Variants in STON2 observed in about 807,000 individuals in gnomAD.
STON2 encodes stonin-2.
STON2 carries 29 observed loss-of-function variants against 65.7 expected under a neutral mutation model. That is an observed-to-expected ratio of 0.44 (90% CI 0.33 to 0.60). The LOEUF is 0.60. STON2 is among the 20% of genes least tolerant of loss of function. STON2 has a pLI of 0.03. For missense variants in STON2, 1,054 were observed against 1,118.1 expected (o/e 0.94, Z 0.82); for synonymous variants, 404 against 414.2 (o/e 0.98, Z 0.30).
chr14:81,275,794 C>T (rs1894791877), intron 6 of STON2, among the ~76,000 whole-genome samples: 1 of 152,168 alleles, frequency 6.6e-6, no homozygotes, highest in Non-Finnish European at 1.5e-5. Flanking sequence ...GATTATACTG[C>T]CGTCGGCCGT....
At chr14:81,323,695 C>G (rs1283127848) in intron 5 of STON2, 1 of 152,152 alleles carries the variant, frequency 6.6e-6, no homozygotes, top group Admixed American at 6.5e-5. Flanking sequence ...ATCCTTCACA[C>G]TTTTTCTTCC....
chr14:81,293,591 T>A (rs897138596), intron 5 of STON2, among the ~76,000 whole-genome samples: 1 of 152,170 alleles, frequency 6.6e-6, no homozygotes, highest in African/African-American at 2.4e-5. Flanking sequence ...CCACTCCGAC[T>A]CTGAGCTTGG....
At chr14:81,373,865 A>G (rs756424) in intron 3 of STON2, among the ~76,000 whole-genome samples, 2 of 152,102 alleles carry the variant, frequency 1.3e-5, no homozygotes, top group Admixed American at 1.3e-4. Flanking sequence ...ATTAATAACC[A>G]CAAATTTTTT....
At chr14:81,279,927 A>G (rs1895039306) in intron 5 of STON2, among the ~76,000 whole-genome samples, 1 of 152,238 alleles carries the variant, frequency 6.6e-6, no homozygotes, top group South Asian at 2.1e-4. Context: ...CCAAGTTTGA[A>G]GAACAGAGAT....
At chr14:81,432,292 GTGA>G (rs1438268032) in intron 1 of STON2, among the ~76,000 whole-genome samples, 4 of 152,182 alleles carry the variant, frequency 2.6e-5, no homozygotes, top group African/African-American at 9.7e-5. Flanking sequence ...TGTTACAGGA[GTGA>G]TGAGTCACAG....
Position 81,262,469 on chromosome 14 carries a change from TTTTAAC to T in STON2, c.*5939_*5944del, listed in dbSNP as rs780600379. ...CTTTATTTTTCCTGGAGCTTCTTACTTTTAACTTTAAGAGATGGCTTCTAGTTCAAG... is the reference window on the plus strand; with the variant it reads ...CTTTATTTTTCCTGGAGCTTCTTACTTTTAAGAGATGGCTTCTAGTTCAAG... On this transcript the variant is annotated 3_prime_UTR_variant, in exon 8 of 8. Coordinates refer to ENST00000614646, the MANE Select transcript of STON2 (RefSeq NM_001394390.1). The T allele has an allele frequency of 9.5e-4, 936 of 985,348 alleles. 1 individual carries two copies. The highest frequency in any genetic ancestry group is 1.1e-3 in the Non-Finnish European group (879 of 829,816). The allele number at this position is 985,348 out of a possible 1,614,324, so 61.0% of individuals were successfully genotyped here. A position where few individuals can be genotyped will look rare whatever the true frequency, so the allele number is the denominator to read the frequency against.
intron 3 of STON2, among the ~76,000 whole-genome samples, chr14:81,379,577 C>A (rs1021440426): frequency 1.3e-5 from 2 of 152,254 alleles, no homozygotes. Flanking sequence ...CTAGAGACAT[C>A]ACACTACCCT....
chr14:81,317,180 A>G (rs929306249), intron 5 of STON2, among the ~76,000 whole-genome samples: 1 of 152,200 alleles, frequency 6.6e-6, no homozygotes, highest in African/African-American at 2.4e-5. Flanking sequence ...CAAGAGAAAG[A>G]GCAAGAGAGA....
intron 4 of STON2, among the ~76,000 whole-genome samples, chr14:81,353,928 A>C (rs964043810): frequency 6.6e-6 from 1 of 152,202 alleles, no homozygotes; most frequent in Admixed American, 6.5e-5. Flanking sequence ...CATACCTAGG[A>C]GTTTCAACAG....
Position 81,261,932 on chromosome 14 carries a change from C to G in STON2, c.*6482G>C. 1 of 1,376,408 alleles carries G rather than the reference C, an allele frequency of 7.3e-7. No homozygotes were observed. The allele number at this position is 1,376,408 out of a possible 1,614,324, so 85.3% of individuals were successfully genotyped here. ...TTGGAAGGTTGTCTGTTTCTGTTGT[C>G]TGGGGAAATGATAAAAAAAAAAAAA... On this transcript the variant is annotated 3_prime_UTR_variant, in exon 8 of 8. Transcript: ENST00000614646.
At chr14:81,430,033 A>G (rs943506896) in intron 1 of STON2, among the ~76,000 whole-genome samples, 2 of 152,196 alleles carry the variant, frequency 1.3e-5, no homozygotes, top group African/African-American at 4.8e-5. Flanking sequence ...ATGGACCTGA[A>G]AAGACTTGTG....
intron 3 of STON2, among the ~76,000 whole-genome samples, chr14:81,392,415 A>G (rs1315120431): frequency 6.6e-6 from 1 of 152,036 alleles, no homozygotes; most frequent in East Asian, 1.9e-4. Flanking sequence ...TTTTCACCCA[A>G]TAAAGCCCTG....
At position 81,278,356 on chromosome 14, in the gene STON2, T is replaced by C. The variant is rs1477507567; in HGVS notation, c.1126A>G (p.Thr376Ala). The change falls in exon 6 of 8, where the codon ACT becomes GCT. Residue 376 changes from threonine (T) to alanine (A), a missense_variant. By Grantham distance (58) the Thr-to-Ala change is moderately conservative. Transcript: ENST00000614646. ...GGGGAGGGCTGTACATCCTGCAGAG[T>C]CTCATTCAGGAAAGGGTTGGTTGCC... The part of the protein sequence containing the change: ...WRATNPFLNE[T>A]LQDVQPSPIN... 6.2e-7 allele frequency: 1 copy of C among 1,613,962 alleles called. No homozygotes were observed.
At chr14:81,303,156 A>G (rs1290490540) in intron 5 of STON2, among the ~76,000 whole-genome samples, 1 of 152,058 alleles carries the variant, frequency 6.6e-6, no homozygotes, top group Non-Finnish European at 1.5e-5. Context: ...GGATAAGCAG[A>G]GAGAAAGAAG....
At chr14:81,427,581 A>G (rs1902041928) in intron 1 of STON2, among the ~76,000 whole-genome samples, 1 of 152,194 alleles carries the variant, frequency 6.6e-6, no homozygotes, top group African/African-American at 2.4e-5. Context: ...TGTTGCAGAC[A>G]GCACAGCCCC....
chr14:81,389,217 G>T (rs1210359468), intron 3 of STON2, among the ~76,000 whole-genome samples: 1 of 152,228 alleles, frequency 6.6e-6, no homozygotes, highest in African/African-American at 2.4e-5. Flanking sequence ...ATGCTGATGT[G>T]ATTGGGAAAA....
At chr14:81,323,917 A>G (rs188961319) in intron 5 of STON2, among the ~76,000 whole-genome samples, 100 bp downstream of exon 5, 258 of 152,250 alleles carry the variant, frequency 1.7e-3, no homozygotes, top group African/African-American at 5.7e-3. Flanking sequence ...AACACCTTCA[A>G]TTGTCTCAGA....
At chr14:81,283,772 G>A (rs529280592) in intron 5 of STON2, among the ~76,000 whole-genome samples, 7 of 152,098 alleles carry the variant, frequency 4.6e-5, no homozygotes, top group African/African-American at 1.2e-4. Flanking sequence ...CTCATGATCC[G>A]CCCGCCTCGG....
chr14:81,335,876 G>A (rs886958934), intron 4 of STON2, among the ~76,000 whole-genome samples: 29 of 152,116 alleles, frequency 1.9e-4, no homozygotes, highest in Non-Finnish European at 1.0e-4. Context: ...ATGGGAGAGA[G>A]AGACAGACAG....
Sources: allele counts gnomAD v4.1 joint callset (sites outside exome capture counted in the v4.1 genomes callset), GRCh38; gene constraint gnomAD v4.1.1; transcripts MANE v1.5; gene names NCBI Gene and HGNC (gene_info 2026-07-23, HGNC 2026-07-21).